The following ABCA7 variants were observed in gnomAD, a reference collection of about 807,000 sequenced individuals.
ABCA7 encodes the protein phospholipid-transporting ATPase ABCA7.
In ABCA7, 261 loss-of-function variants were observed where a neutral mutation model predicts 227.6. The observed-to-expected ratio is 1.15, with a 90% CI of 1.04 to 1.27. The LOEUF (loss-of-function observed/expected upper bound fraction) is 1.27. Among genes scored for constraint, ABCA7 ranks in the 50% most tolerant of loss-of-function variants. The pLI, the probability that ABCA7 is intolerant of heterozygous loss-of-function variation, is 0.00. For missense variants in ABCA7, 3,331 were observed against 2,924.5 expected (o/e 1.14, Z -3.21); for synonymous variants, 1,488 against 1,279.7 (o/e 1.16, Z -3.47).
Position 1,054,298 on chromosome 19 carries a change from G to T in ABCA7, c.3683G>T (p.Arg1228Leu), listed in dbSNP as rs537478743. ...RQQLQALLLKRFLLARRSRRG... is the reference protein window; with the variant it reads ...RQQLQALLLKLFLLARRSRRG... ...CAGCTCCAGGCCCTGCTTCTCAAGC[G>T]CTTTCTGCTTGCCCGCCGCAGCCGC... Residue 1228 changes from arginine to leucine, a missense_variant, in exon 27 of 47, where the codon CGC becomes CTC. By Grantham distance (102) the Arg-to-Leu change is moderately radical (BLOSUM62 -2). Transcript: ENST00000263094. The surrounding 1 kb of genome is among the most constrained non-coding windows in gnomAD (Gnocchi z 4.8). The T allele has an allele frequency of 1.7e-5, 27 of 1,605,284 alleles. No homozygotes were observed. The Admixed American group carries it at 2.0e-4, about 12-fold the overall frequency.
chr19:1,044,802 G>C, intron 11 of ABCA7, 58 bp downstream of exon 11: 3 of 1,537,862 alleles, frequency 2.0e-6, no homozygotes, highest in Middle Eastern at 2.3e-4. Context: ...TCCCATCCTA[G>C]TGTTCCCACC....
chr19:1,064,188 G>A lies in ABCA7; in HGVS notation c.5979G>A (p.Ser1993=), dbSNP rs766845978. 1.6e-5 allele frequency: 26 copies of A among 1,579,922 alleles called. No individual in the cohort carries two copies. Among genetic ancestry groups the A allele is most frequent in the East Asian group, 4.7e-5 (2 of 42,836 alleles). The change falls in exon 45 of 47, where the codon TCG becomes TCA. Residue 1993 remains serine, a synonymous_variant. Coordinates refer to ENST00000263094, the MANE Select transcript of ABCA7 (RefSeq NM_019112.4). ...TGGAGGAGTGTGAAGCGCTCTGCTC[G>A]CGCCTGGCCATCATGGTGAATGGGC... is the stretch of plus-strand genomic sequence containing the variant. ...HSMEECEALC[S]RLAIMVNGRF...
intron 5 of ABCA7, 55 bp downstream of exon 5, chr19:1,042,231 G>C (rs777623937): frequency 5.0e-6 from 8 of 1,592,742 alleles, no homozygotes; most frequent in Non-Finnish European, 6.8e-6. Context: ...CAACTTGCCG[G>C]GCCGTGAAAT....
chr19:1,057,526 A>AGAGGATATGGAGGTCT (rs2042358870), intron 35 of ABCA7, 97 bp downstream of exon 35: 7 of 1,245,456 alleles, frequency 5.6e-6, no homozygotes, highest in Non-Finnish European at 8.1e-6. Flanking sequence ...ACTCCCAAGG[A>AGAGGATATGGAGGTCT]GAGGATATGG....
intron 1 of ABCA7, 158 bp from the exon 2 acceptor site, chr19:1,041,067 T>A (rs1202383654): frequency 8.0e-6 from 4 of 500,608 alleles, no homozygotes; most frequent in Non-Finnish European, 1.1e-5. Context: ...TAGAGGATGA[T>A]CTTTAAGTCC....
chr19:1,047,103 G>A, intron 14 of ABCA7, 54 bp from the exon 15 acceptor site: 3 of 1,559,680 alleles, frequency 1.9e-6, no homozygotes, highest in Non-Finnish European at 1.7e-6. Flanking sequence ...ACGTGGGTGC[G>A]CGCCCCCAGG....
chr19:1,065,251 C>G lies in ABCA7; in HGVS notation c.6286-19C>G. On this transcript the variant is annotated intron_variant, in intron 46 of 46. Transcript: ENST00000263094. Reference sequence around the variant, plus strand: ...GGGCTGACCGTCCCTCTTGTCCCCTCTGGGCTGCCCACCGCTAGGTATTCT... The same window carrying G: ...GGGCTGACCGTCCCTCTTGTCCCCTGTGGGCTGCCCACCGCTAGGTATTCT... 2 of 1,612,446 alleles carry G rather than the reference C, an allele frequency of 1.2e-6. No homozygotes were observed. Among genetic ancestry groups the G allele is most frequent in the South Asian group, 2.2e-5 (2 of 91,030 alleles).
rs775116076 is a variant in ABCA7 at position 1,052,206 on chromosome 19, G to A, written c.3148-8G>A. The A allele has an allele frequency of 3.8e-5, 60 of 1,592,750 alleles. No homozygotes were observed. Among genetic ancestry groups the A allele is most frequent in the Non-Finnish European group, 5.0e-5 (59 of 1,170,848 alleles). ...AGGCCAAGCCACTTGGTGCCTCTCT[G>A]CCCGCAGGCTGACACTGACATGGAG... On this transcript the variant is annotated splice_region_variant and splice_polypyrimidine_tract_variant and intron_variant, in intron 22 of 46. Transcript: ENST00000263094.
Position 1,055,343 on chromosome 19 carries a change from G to T in ABCA7, c.4197G>T (p.Val1399=). ...TGGTCAAGACCTACCCGCGCCTGGTGCGCCAGGGGTGAGCCATGCCCTGGG... is the reference window on the plus strand; with the variant it reads ...TGGTCAAGACCTACCCGCGCCTGGTTCGCCAGGGGTGAGCCATGCCCTGGG... ...DFLVKTYPRL[V]RQGLKTKKWV... Residue 1399 remains valine (V), a synonymous_variant, in exon 30 of 47, where the codon GTG becomes GTT. Transcript: ENST00000263094. 1 of 1,584,116 alleles carries T rather than the reference G, an allele frequency of 6.3e-7. No individual in the cohort carries two copies.
chr19:1,055,222 G>A lies in ABCA7; in HGVS notation c.4076G>A (p.Cys1359Tyr), dbSNP rs1434559340. The A allele has an allele frequency of 9.3e-6, 15 of 1,607,958 alleles. No homozygotes were observed. The highest frequency in any genetic ancestry group is 1.2e-5 in the Non-Finnish European group (14 of 1,177,748). ...RPGARRLLPD[C>Y]PAAAGGPPPP... ...GGTGCCCGGCGCCTGCTGCCCGACT[G>A]CCCGGCTGCAGCTGGTGGTCCCCCT... Residue 1359 changes from cysteine (C) to tyrosine (Y), a missense_variant, in exon 30 of 47, where the codon TGC (cysteine) becomes TAC (tyrosine). By Grantham distance (194) the Cys-to-Tyr change is radical. Coordinates refer to ENST00000263094, the MANE Select transcript of ABCA7 (RefSeq NM_019112.4).
intron 10 of ABCA7, 89 bp downstream of exon 10, chr19:1,043,930 A>G: frequency 1.0e-6 from 1 of 987,732 alleles, no homozygotes; most frequent in Non-Finnish European, 1.5e-6. Flanking sequence ...CTCCGTGCAG[A>G]CCCCCACTTT....
At chr19:1,064,595 G>A (rs1218165514) in intron 45 of ABCA7, 2 of 493,310 alleles carry the variant, frequency 4.1e-6, no homozygotes, top group Non-Finnish European at 7.1e-6. Flanking sequence ...AAGTGGGGCG[G>A]GGGTATTTAT....
At position 1,051,927 on chromosome 19, in the gene ABCA7, G is replaced by A. The variant is rs111901794; in HGVS notation, c.2963-15G>A. The stretch of plus-strand genomic sequence containing the variant: ...GCGGCCTGATGGTAGTTGTGGGTTG[G>A]TCCCCCGTGCCTAGGTCGCACGCTG... On this transcript the variant is annotated splice_polypyrimidine_tract_variant and intron_variant, in intron 21 of 46. Transcript: ENST00000263094. 6.2e-7 allele frequency: 1 copy of A among 1,607,464 alleles called. No individual in the cohort carries two copies. The highest frequency in any genetic ancestry group is 8.5e-7 in the Non-Finnish European group (1 of 1,177,460).
rs749549606 is a variant in ABCA7, at chr19:1,051,172, A to C, written c.2702A>C (p.His901Pro). 87 of 1,611,254 alleles carry C rather than the reference A, an allele frequency of 5.4e-5. No individual in the cohort carries two copies. Among genetic ancestry groups the C allele is most frequent in the Non-Finnish European group, 7.6e-6 (9 of 1,179,884 alleles). Residue 901 changes from histidine to proline, a missense_variant, in exon 20 of 47, where the codon CAC becomes CCC. Transcript: ENST00000263094. ...GGCCGCAGGCTGACCGTGGACGAGCACGTCTGGTTCTATGGGCGGCTGAAG... is the reference window on the plus strand; with the variant it reads ...GGCCGCAGGCTGACCGTGGACGAGCCCGTCTGGTTCTATGGGCGGCTGAAG... ...VLFDMLTVDE[H>P]VWFYGRLKGL...
intron 24 of ABCA7, 28 bp downstream of exon 24, chr19:1,053,559 G>A: frequency 6.5e-7 from 1 of 1,549,406 alleles, no homozygotes; most frequent in African/African-American, 1.4e-5. Context: ...TGGTGAGGTG[G>A]GGCCAGGAGG....
In ABCA7 at chr19:1,055,912, A is replaced by C; in HGVS notation, c.4211A>C (p.Lys1404Thr). The change falls in exon 31 of 47, where the codon AAG becomes ACG. Residue 1404 changes from lysine (K) to threonine (T), a missense_variant. Coordinates refer to ENST00000263094, the MANE Select transcript of ABCA7 (RefSeq NM_019112.4). The stretch of plus-strand genomic sequence containing the variant: ...TCTGTCCATCTCTCCCACAGCCTGA[A>C]GACTAAGAAGTGGGTGAATGAGGTC... Reference protein sequence around the residue: ...TYPRLVRQGLKTKKWVNEVRY... With the variant: ...TYPRLVRQGLTTKKWVNEVRY... 1 of 1,592,372 alleles carries C rather than the reference A, an allele frequency of 6.3e-7. No individual in the cohort carries two copies. The highest frequency in any genetic ancestry group is 8.6e-7 in the Non-Finnish European group (1 of 1,168,602).
intron 23 of ABCA7, among the ~76,000 whole-genome samples, chr19:1,052,965 C>G (rs1599663351): frequency 6.6e-6 from 1 of 152,232 alleles, no homozygotes; most frequent in East Asian, 1.9e-4. Context: ...GTGATCTCAG[C>G]TCACTGCAAC....
chr19:1,062,467 C>G (rs1301623608), intron 42 of ABCA7, among the ~76,000 whole-genome samples, 154 bp downstream of exon 42: 1 of 152,040 alleles, frequency 6.6e-6, no homozygotes, highest in Non-Finnish European at 1.5e-5. Context: ...ACCTCTGTCC[C>G]CCATCCTGGT....
At position 1,063,768 on chromosome 19, in the gene ABCA7, G is replaced by C. The variant is rs1362550289; in HGVS notation, c.5856G>C (p.Pro1952=). 1.9e-6 allele frequency: 3 copies of C among 1,547,166 alleles called. No individual in the cohort carries two copies. The highest frequency in any genetic ancestry group is 3.9e-5 in the Admixed American group (2 of 51,140). ...GDPAVVFLDE[P]TTGMDPSARR... ...TCTTCCGTGCTCCCCAGGACGAGCC[G>C]ACCACAGGCATGGACCCCAGCGCGC... Residue 1952 remains proline, a synonymous_variant, in exon 44 of 47, where the codon CCG becomes CCC. Transcript: ENST00000263094.
Sources: allele counts gnomAD v4.1 joint callset (sites outside exome capture counted in the v4.1 genomes callset), GRCh38; gene constraint gnomAD v4.1.1; non-coding constraint Gnocchi (gnomAD v3.1); transcripts MANE v1.5; gene names NCBI Gene and HGNC (gene_info 2026-07-23, HGNC 2026-07-21).